Variants in FOXP1 observed in about 807,000 individuals in gnomAD.
The protein encoded by FOXP1 is forkhead box protein P1.
FOXP1 carries 15 observed loss-of-function variants against 98.2 expected under a neutral mutation model. That is an observed-to-expected ratio of 0.15 (90% CI 0.10 to 0.24). The LOEUF (loss-of-function observed/expected upper bound fraction) is 0.24, where lower values mean the gene tolerates loss of function less well. Ranked by LOEUF, FOXP1 falls within the 10% of genes least tolerant of loss-of-function variation. The probability of loss-of-function intolerance (pLI) is 1.00; values close to 1 mark genes in which losing one functional copy is unlikely to be tolerated. For missense variants in FOXP1, 633 were observed against 848.5 expected (o/e 0.75, Z 3.15); for synonymous variants, 371 against 314.5 (o/e 1.18, Z -1.90).
chr3:71,273,375 C>T (rs2070575655), intron 5 of FOXP1, among the ~76,000 whole-genome samples: 1 of 152,202 alleles, frequency 6.6e-6, no homozygotes, highest in South Asian at 2.1e-4. Flanking sequence ...GAATTGGACT[C>T]CCACCTCCAA....
rs1158217198 is a variant in FOXP1, at chr3:71,318,159, T to C, written c.-72-18279A>G. Among the ~76,000 whole-genome samples the C allele has an allele frequency of 7.9e-5, 12 of 151,740 alleles. No homozygotes were observed. The South Asian group carries it at 2.5e-3, about 31-fold the overall frequency. ...AAATAATTCTACCCAGCAAGGTTTT[T>C]TTTTTTTTTTTTCCTTCTTTTTCCT... On this transcript the variant is annotated intron_variant, in intron 4 of 20. Coordinates refer to ENST00000649528, the MANE Select transcript of FOXP1 (RefSeq NM_001349338.3).
chr3:70,996,366 C>T (rs1405603991), intron 13 of FOXP1, among the ~76,000 whole-genome samples: 1 of 152,214 alleles, frequency 6.6e-6, no homozygotes, highest in Non-Finnish European at 1.5e-5. Context: ...TCAGTCTCCA[C>T]AACCCATTGT....
chr3:71,021,468 A>G (rs1050945644), intron 11 of FOXP1, among the ~76,000 whole-genome samples: 4 of 152,142 alleles, frequency 2.6e-5, no homozygotes, highest in African/African-American at 9.7e-5. Context: ...CTATTTCCAC[A>G]TTTTGGCTAT....
chr3:71,479,690 AAAAG>A (rs1218948213), intron 3 of FOXP1, among the ~76,000 whole-genome samples: 4 of 150,044 alleles, frequency 2.7e-5, no homozygotes, highest in Non-Finnish European at 3.0e-5. Flanking sequence ...AAAAAAAAAA[AAAAG>A]AAAAGAAAAG....
chr3:71,525,959 T>C (rs150142759), intron 2 of FOXP1, among the ~76,000 whole-genome samples: 2 of 151,860 alleles, frequency 1.3e-5, no homozygotes, highest in Non-Finnish European at 1.5e-5. Flanking sequence ...CTACTAAAAA[T>C]ACAAAAACAA....
chr3:71,228,194 C>T (rs1204089806), intron 5 of FOXP1, among the ~76,000 whole-genome samples: 1 of 152,156 alleles, frequency 6.6e-6, no homozygotes, highest in African/African-American at 2.4e-5. Flanking sequence ...TTAGGGAGTT[C>T]TAGGTCACTG....
At chr3:71,525,713 G>A (rs1234825091) in intron 2 of FOXP1, among the ~76,000 whole-genome samples, 1 of 151,906 alleles carries the variant, frequency 6.6e-6, no homozygotes, top group African/African-American at 2.4e-5. Context: ...TCTTCTACTG[G>A]CAAGTGATTT....
At chr3:71,196,725 T>A (rs2063324580) in intron 6 of FOXP1, among the ~76,000 whole-genome samples, 2 of 152,346 alleles carry the variant, frequency 1.3e-5, no homozygotes, top group South Asian at 4.1e-4. Context: ...TACTATCTAC[T>A]GCTGGGTTTT....
intron 3 of FOXP1, among the ~76,000 whole-genome samples, chr3:71,476,657 A>ATT (rs55733297): frequency 1.5e-5 from 2 of 134,478 alleles, no homozygotes; most frequent in Admixed American, 7.4e-5. Flanking sequence ...TGCCCAGCTA[A>ATT]TTTTTTTTTT....
intron 3 of FOXP1, among the ~76,000 whole-genome samples, chr3:71,438,473 G>A (rs1055192699): frequency 4.6e-5 from 7 of 152,014 alleles, no homozygotes; most frequent in Non-Finnish European, 1.0e-4. Context: ...CATCCTCCTG[G>A]CCATCAGCAG....
intron 13 of FOXP1, among the ~76,000 whole-genome samples, chr3:70,999,153 G>A (rs778673494): frequency 2.0e-5 from 3 of 151,910 alleles, no homozygotes; most frequent in Non-Finnish European, 4.4e-5. Flanking sequence ...GCAGTGGCGC[G>A]ACCTTGGCTC....
intron 7 of FOXP1, among the ~76,000 whole-genome samples, chr3:71,060,799 C>T (rs751075283): frequency 6.6e-6 from 1 of 152,102 alleles, no homozygotes; most frequent in Non-Finnish European, 1.5e-5. Flanking sequence ...CAAGATAAAG[C>T]TTAGAAATTA....
intron 3 of FOXP1, among the ~76,000 whole-genome samples, chr3:71,390,645 A>G (rs1253066829): frequency 6.6e-6 from 1 of 152,138 alleles, no homozygotes; most frequent in Non-Finnish European, 1.5e-5. Flanking sequence ...AGTCTCCAAA[A>G]AGCGAAAGGT....
At position 71,581,653 on chromosome 3, in the gene FOXP1, C is replaced by T; in HGVS notation, c.-402G>A. The T allele has an allele frequency of 2.0e-6, 2 of 985,900 alleles. No homozygotes were observed. 61.1% of individuals were successfully genotyped at this position (985,900 alleles called of 1,614,324 possible). ...CCGCTGCCGCTGCCCCCGGCCCGCT[C>T]GCTCGCTCGCCGCGCGCTCTCTTCC... is the stretch of plus-strand genomic sequence containing the variant. On this transcript the variant is annotated 5_prime_UTR_variant, in exon 2 of 21. Transcript: ENST00000649528.
intron 2 of FOXP1, chr3:71,571,770 C>T (rs1559545268): frequency 6.6e-6 from 1 of 152,208 alleles, no homozygotes; most frequent in Non-Finnish European, 1.5e-5. Flanking sequence ...ATCACTAATA[C>T]TTAATGACAA....
chr3:71,210,001 ACTGT>A (rs750479620), intron 5 of FOXP1, among the ~76,000 whole-genome samples: 8 of 152,230 alleles, frequency 5.3e-5, no homozygotes, highest in Non-Finnish European at 1.0e-4. Context: ...GCAGCAAAAC[ACTGT>A]CTGCTGGATA....
At chr3:71,459,599 T>C (rs1470637010) in intron 3 of FOXP1, among the ~76,000 whole-genome samples, 2 of 152,248 alleles carry the variant, frequency 1.3e-5, no homozygotes, top group Non-Finnish European at 2.9e-5. Flanking sequence ...GTCCCTCATG[T>C]AATAGATATG....
intron 6 of FOXP1, among the ~76,000 whole-genome samples, chr3:71,135,191 G>A (rs2059760500): frequency 6.7e-6 from 1 of 150,308 alleles, no homozygotes. Context: ...CCCAGGAGGT[G>A]GAGGTTGCAG....
In FOXP1 at chr3:71,219,878, C is replaced by CTCCT. The variant is rs1553785830; in HGVS notation, c.-11-21487_-11-21486insAGGA. ...AGTGCTCTCCCCACTCTCTCTCTCT[C>CTCCT]CTGTTTCCACCCTATCTATCTACAC... On this transcript the variant is annotated intron_variant, in intron 5 of 20. Transcript: ENST00000649528. 2.6e-5 allele frequency among the ~76,000 whole-genome samples: 4 copies of CTCCT among 152,160 alleles called. No individual in the cohort carries two copies. The South Asian group carries it at 6.2e-4, about 24-fold the overall frequency.
Sources: gnomAD v4.1 joint callset for allele counts (sites outside exome capture counted in the v4.1 genomes callset) on GRCh38, gnomAD v4.1.1 for gene constraint, MANE v1.5 for transcripts, NCBI Gene and HGNC (gene_info 2026-07-23, HGNC 2026-07-21) for gene names.